The following LIN28B variants were observed in gnomAD, a reference collection of about 807,000 sequenced individuals.
LIN28B encodes protein lin-28 homolog B.
In LIN28B, 5 loss-of-function variants were observed where a neutral mutation model predicts 21.9. The observed-to-expected ratio is 0.23, with a 90% confidence interval of 0.12 to 0.48. The LOEUF is 0.48. Ranked by LOEUF, LIN28B falls within the 20% of genes least tolerant of loss-of-function variation. LIN28B has a pLI of 0.98. For missense variants in LIN28B, 245 were observed against 310.5 expected (o/e 0.79, Z 1.58); for synonymous variants, 109 against 111.3 (o/e 0.98, Z 0.13).
chr6:105,062,210 A>G (rs2114402561), intron 3 of LIN28B, among the ~76,000 whole-genome samples: 1 of 152,118 alleles, frequency 6.6e-6, no homozygotes, highest in East Asian at 1.9e-4. Flanking sequence ...AACCTTACTC[A>G]TTTTAAAATA....
chr6:105,029,043 A>T (rs533662896), intron 3 of LIN28B, among the ~76,000 whole-genome samples: 1 of 152,194 alleles, frequency 6.6e-6, no homozygotes, highest in East Asian at 1.9e-4. Context: ...TAAGATAACC[A>T]TTGAAACTTG....
intron 3 of LIN28B, among the ~76,000 whole-genome samples, chr6:105,046,458 A>G (rs1771765909): frequency 6.6e-6 from 1 of 152,190 alleles, no homozygotes; most frequent in Non-Finnish European, 1.5e-5. Flanking sequence ...GCTATTGTGA[A>G]TAGTGCCACA....
At chr6:105,015,659 G>A (rs1027340057) in intron 2 of LIN28B, among the ~76,000 whole-genome samples, 1 of 152,028 alleles carries the variant, frequency 6.6e-6, no homozygotes, top group Non-Finnish European at 1.5e-5. Flanking sequence ...TTCCATTTTA[G>A]TTTATCCACT....
At chr6:105,076,923 T>C (rs1772437690) in intron 3 of LIN28B, among the ~76,000 whole-genome samples, 1 of 151,812 alleles carries the variant, frequency 6.6e-6, no homozygotes, top group Non-Finnish European at 1.5e-5. Context: ...CATTTTGTTA[T>C]TATTTTTTAA....
chr6:105,042,077 C>T (rs572240822), intron 3 of LIN28B, among the ~76,000 whole-genome samples: 106 of 152,230 alleles, frequency 7.0e-4, no homozygotes, highest in Non-Finnish European at 1.4e-3. Flanking sequence ...TAATCTGATT[C>T]GCTAGACATG....
intron 3 of LIN28B, among the ~76,000 whole-genome samples, chr6:105,043,975 ATAAC>A (rs1771693720): frequency 6.6e-6 from 1 of 152,176 alleles, no homozygotes; most frequent in Non-Finnish European, 1.5e-5. Context: ...ACAAATAATA[ATAAC>A]TATATCCTCT....
At chr6:104,980,374 T>G (rs1770193936) in intron 2 of LIN28B, among the ~76,000 whole-genome samples, 1 of 152,136 alleles carries the variant, frequency 6.6e-6, no homozygotes, top group East Asian at 1.9e-4. Flanking sequence ...GAAAAGCATT[T>G]TGGTAGCAAA....
intron 2 of LIN28B, among the ~76,000 whole-genome samples, chr6:104,962,899 G>T (rs1216301925): frequency 6.6e-6 from 1 of 152,102 alleles, no homozygotes; most frequent in Non-Finnish European, 1.5e-5. Context: ...CAGCTCATTT[G>T]TATAGTGAGT....
At chr6:104,987,992 C>T (rs1770382505) in intron 2 of LIN28B, among the ~76,000 whole-genome samples, 1 of 152,206 alleles carries the variant, frequency 6.6e-6, no homozygotes, top group South Asian at 2.1e-4. Context: ...GATCTGCCTA[C>T]CTCGGCTTCC....
At chr6:105,022,712 G>C (rs988607477) in intron 2 of LIN28B, among the ~76,000 whole-genome samples, 1 of 152,118 alleles carries the variant, frequency 6.6e-6, no homozygotes, top group Admixed American at 6.6e-5. Flanking sequence ...GGGGAAAAGG[G>C]GTTCTGGTTC....
intron 2 of LIN28B, among the ~76,000 whole-genome samples, chr6:105,000,579 A>G (rs998902064): frequency 2.6e-5 from 4 of 152,138 alleles, no homozygotes; most frequent in African/African-American, 9.6e-5. Context: ...ACCTTTTTAT[A>G]TAAAAGAGCT....
intron 3 of LIN28B, among the ~76,000 whole-genome samples, chr6:105,040,706 G>A (rs776194947): frequency 4.6e-5 from 7 of 151,732 alleles, no homozygotes; most frequent in South Asian, 2.1e-4. Flanking sequence ...AAAGCCCTTC[G>A]CATTTTGTAG....
At chr6:105,068,275 C>T (rs1772257070) in intron 3 of LIN28B, among the ~76,000 whole-genome samples, 1 of 152,122 alleles carries the variant, frequency 6.6e-6, no homozygotes, top group African/African-American at 2.4e-5. Flanking sequence ...AAGTTGTGCA[C>T]ATAGTAGATA....
chr6:104,953,112 G>T (rs1475120898), upstream of LIN28B, among the ~76,000 whole-genome samples: 2 of 152,238 alleles, frequency 1.3e-5, no homozygotes, highest in East Asian at 3.9e-4. Context: ...CCGACGGGCG[G>T]GTCGGCGGCT....
intron 3 of LIN28B, among the ~76,000 whole-genome samples, chr6:105,045,897 T>C (rs1771750144): frequency 6.6e-6 from 1 of 152,220 alleles, no homozygotes; most frequent in Non-Finnish European, 1.5e-5. Context: ...TGCTATCTAA[T>C]AACACCTTTT....
rs1273319714 is a variant in LIN28B at position 105,082,655 on chromosome 6, TAGCTGTCAAC to T, written c.*3876_*3885del. 6.5e-6 allele frequency: 1 copy of T among 152,676 alleles called. No individual in the cohort carries two copies. Among genetic ancestry groups the T allele is most frequent in the African/African-American group, 2.4e-5 (1 of 41,466 alleles). 9.5% of individuals were successfully genotyped at this position (152,676 alleles called of 1,614,324 possible). On this transcript the variant is annotated 3_prime_UTR_variant, in exon 4 of 4. Transcript: ENST00000345080. ...TAAAAGCATCAAACTCTGTCTTACA[TAGCTGTCAAC>T]AGCCTCTTTAAGATGTGGTGGTTGT...
In LIN28B at chr6:104,959,776, C is replaced by T. The variant is rs551371080; in HGVS notation, c.198+1490C>T. On this transcript the variant is annotated intron_variant, in intron 2 of 3. Coordinates refer to ENST00000345080, the MANE Select transcript of LIN28B (RefSeq NM_001004317.4). Reference sequence around the variant, plus strand: ...ATAGACAAATCCATTTTCTCTCAGGCTCTTTCTTCCACCTTTGAACCTTCT... The same window carrying T: ...ATAGACAAATCCATTTTCTCTCAGGTTCTTTCTTCCACCTTTGAACCTTCT... Among the ~76,000 whole-genome samples, 3 of 152,260 alleles carry T rather than the reference C, an allele frequency of 2.0e-5. No individual in the cohort carries two copies. In the East Asian group the frequency reaches 5.8e-4, roughly 29 times the overall value.
chr6:104,990,737 A>G (rs1011910705), intron 2 of LIN28B, among the ~76,000 whole-genome samples: 3 of 152,024 alleles, frequency 2.0e-5, no homozygotes, highest in Non-Finnish European at 2.9e-5. Flanking sequence ...GTCCCTGGGT[A>G]CTTGAGATTA....
intron 2 of LIN28B, among the ~76,000 whole-genome samples, chr6:104,975,294 A>G (rs1169818280): frequency 3.3e-5 from 5 of 152,064 alleles, no homozygotes; most frequent in Non-Finnish European, 7.4e-5. Context: ...CTAAAAATAC[A>G]GTTAGATTAT....
Sources: allele counts gnomAD v4.1 joint callset (sites outside exome capture counted in the v4.1 genomes callset), GRCh38; gene constraint gnomAD v4.1.1; transcripts MANE v1.5; gene names NCBI Gene and HGNC (gene_info 2026-07-23, HGNC 2026-07-21).